Variants in LGR6 observed in about 807,000 individuals in gnomAD.
LGR6 encodes leucine-rich repeat-containing G protein-coupled receptor 6.
Under a neutral mutation model 69.4 loss-of-function variants are expected in LGR6, and 45 were observed. That is an observed-to-expected ratio of 0.65 (90% confidence interval 0.51 to 0.83). The LOEUF is 0.83. Ranked by LOEUF, LGR6 falls within the 40% of genes least tolerant of loss-of-function variation. LGR6 has a pLI of 0.00. For synonymous variants in LGR6, 538 were observed against 555.0 expected, an observed-to-expected ratio of 0.97 and a Z score of 0.43; for missense variants, 1,108 against 1,246.7, an observed-to-expected ratio of 0.89 and a Z score of 1.68.
chr1:202,238,933 G>A (rs980258655), intron 4 of LGR6, among the ~76,000 whole-genome samples: 3 of 152,146 alleles, frequency 2.0e-5, no homozygotes, highest in African/African-American at 7.2e-5. Context: ...AACACGAAGC[G>A]GTGCGTTTTA....
intron 11 of LGR6, among the ~76,000 whole-genome samples, chr1:202,305,412 C>CT (rs1653082991): frequency 6.6e-6 from 1 of 152,164 alleles, no homozygotes; most frequent in African/African-American, 2.4e-5. Flanking sequence ...GACTCTTTGC[C>CT]TGTTTCCTCT....
chr1:202,241,554 T>C lies in LGR6; in HGVS notation c.428+5561T>C, dbSNP rs146697921. On this transcript the variant is annotated intron_variant, in intron 4 of 17. Coordinates refer to ENST00000367278, the MANE Select transcript of LGR6 (RefSeq NM_001017403.2). ...ATACACTTGCTTCCTCCCTGACCAG[T>C]TTGGGAGGGGGGAGAATGGCCATGC... Among the ~76,000 whole-genome samples the C allele has an allele frequency of 3.3e-5, 5 of 152,002 alleles. 1 individual carries two copies. The East Asian group carries it at 9.7e-4, about 29-fold the overall frequency.
Position 202,194,055 on chromosome 1 carries a change from C to A in LGR6, c.66C>A (p.Ala22=), listed in dbSNP as rs766999265. ...LCAALCASRR[A]GGAPQPGPGP... The stretch of plus-strand genomic sequence containing the variant: ...CCGCGCTGTGCGCTTCCCGGAGGGC[C>A]GGCGGCGCCCCCCAGCCCGGCCCGG... The change falls in exon 1 of 18, where the codon GCC becomes GCA. Residue 22 remains alanine (A), a synonymous_variant. Coordinates refer to ENST00000367278, the MANE Select transcript of LGR6 (RefSeq NM_001017403.2). 2 of 1,396,730 alleles carry A rather than the reference C, an allele frequency of 1.4e-6. No homozygotes were observed. The highest frequency in any genetic ancestry group is 3.5e-5 in the Admixed American group (1 of 28,718). 86.5% of individuals were successfully genotyped at this position (1,396,730 alleles called of 1,614,324 possible).
At chr1:202,281,128 C>A in intron 6 of LGR6, 1 of 385,316 alleles carries the variant, frequency 2.6e-6, no homozygotes, top group Non-Finnish European at 4.7e-6. Context: ...CAGAGACCAC[C>A]AAAATAATGA....
chr1:202,219,217 C>T (rs974279188), intron 1 of LGR6, among the ~76,000 whole-genome samples: 1 of 152,222 alleles, frequency 6.6e-6, no homozygotes, highest in Admixed American at 6.5e-5. Flanking sequence ...TGGGAGAGAA[C>T]CCCACCTTTG....
intron 6 of LGR6, among the ~76,000 whole-genome samples, chr1:202,288,020 A>C (rs1462647236): frequency 6.6e-6 from 1 of 151,692 alleles, no homozygotes; most frequent in Admixed American, 6.6e-5. Context: ...AAAAGCCAAC[A>C]TTCTGTACTG....
chr1:202,265,850 A>G (rs1304720025), intron 4 of LGR6, among the ~76,000 whole-genome samples: 1 of 152,242 alleles, frequency 6.6e-6, no homozygotes, highest in Non-Finnish European at 1.5e-5. Context: ...TCAGGGAAAG[A>G]GGGGACATAG....
chr1:202,262,326 C>T (rs1664301385), intron 4 of LGR6, among the ~76,000 whole-genome samples: 1 of 152,204 alleles, frequency 6.6e-6, no homozygotes, highest in Non-Finnish European at 1.5e-5. Flanking sequence ...GTTTTCCCAG[C>T]ATCATTTATT....
At chr1:202,286,300 G>A (rs958076861) in intron 6 of LGR6, among the ~76,000 whole-genome samples, 2 of 152,146 alleles carry the variant, frequency 1.3e-5, no homozygotes, top group South Asian at 4.1e-4. Flanking sequence ...GATGAATCTC[G>A]CAAATTTGCC....
intron 14 of LGR6, among the ~76,000 whole-genome samples, 155 bp from the exon 15 acceptor site, chr1:202,308,896 C>T (rs1184649664): frequency 6.6e-6 from 1 of 152,206 alleles, no homozygotes; most frequent in Non-Finnish European, 1.5e-5. Flanking sequence ...TGCCCTCCTC[C>T]CTCGGCATTC....
chr1:202,269,831 C>G (rs1664949541), intron 4 of LGR6, among the ~76,000 whole-genome samples: 1 of 152,212 alleles, frequency 6.6e-6, no homozygotes, highest in Non-Finnish European at 1.5e-5. Context: ...TTAGGGCACA[C>G]TGACCTTTGA....
intron 4 of LGR6, among the ~76,000 whole-genome samples, chr1:202,238,438 T>A (rs533473132): frequency 1.6e-4 from 14 of 86,386 alleles, no homozygotes; most frequent in East Asian, 5.4e-4. Context: ...TTTTTTTTTT[T>A]AAGACAGAGT....
intron 1 of LGR6, among the ~76,000 whole-genome samples, chr1:202,218,669 G>A (rs1400996407): frequency 6.6e-6 from 1 of 152,122 alleles, no homozygotes; most frequent in Non-Finnish European, 1.5e-5. Context: ...GTAACATGAG[G>A]TGCTCTCTGG....
chr1:202,239,379 G>T (rs984488518), intron 4 of LGR6, among the ~76,000 whole-genome samples: 1 of 130,822 alleles, frequency 7.6e-6, no homozygotes, highest in Non-Finnish European at 1.7e-5. Flanking sequence ...GTGTGTGTGT[G>T]TGTGTGGTGT....
At chr1:202,236,097 CT>C in intron 4 of LGR6, 104 bp downstream of exon 4, 1 of 879,476 alleles carries the variant, frequency 1.1e-6, no homozygotes, top group East Asian at 2.5e-5. Flanking sequence ...CAGGCGCCCC[CT>C]CTCCCAGTCC....
intron 3 of LGR6, among the ~76,000 whole-genome samples, chr1:202,228,660 C>T (rs1449052839): frequency 6.6e-6 from 1 of 152,174 alleles, no homozygotes. Context: ...CAACTCATGA[C>T]TCACCTTGTT....
At chr1:202,299,682 G>A (rs954908400) in intron 7 of LGR6, among the ~76,000 whole-genome samples, 2 of 152,158 alleles carry the variant, frequency 1.3e-5, no homozygotes, top group Non-Finnish European at 2.9e-5. Flanking sequence ...ACAGGCCTGG[G>A]TGGGTGGCAC....
rs1654433836 is a variant in LGR6, at chr1:202,319,159, G to C, written c.2856G>C (p.Gly952=). 6.2e-7 allele frequency: 1 copy of C among 1,613,418 alleles called. No individual in the cohort carries two copies. Among genetic ancestry groups the C allele is most frequent in the Non-Finnish European group, 8.5e-7 (1 of 1,179,636 alleles). Residue 952 remains glycine, a synonymous_variant, in exon 18 of 18, where the codon GGG becomes GGC. Coordinates refer to ENST00000367278, the MANE Select transcript of LGR6 (RefSeq NM_001017403.2). ...GSTPAGGGLS[G]GGGFQPSGLA... ...CGCCAGCAGGTGGAGGCTTGTCAGG[G>C]GGTGGCGGCTTTCAGCCCTCTGGCT...
intron 4 of LGR6, among the ~76,000 whole-genome samples, chr1:202,237,237 C>T (rs541088014): frequency 6.6e-6 from 1 of 152,358 alleles, no homozygotes; most frequent in South Asian, 2.1e-4. Flanking sequence ...TCCTCTCCCT[C>T]CATCCAGCCT....
Sources: allele counts gnomAD v4.1 joint callset (sites outside exome capture counted in the v4.1 genomes callset), GRCh38; gene constraint gnomAD v4.1.1; transcripts MANE v1.5; gene names NCBI Gene and HGNC (gene_info 2026-07-23, HGNC 2026-07-21).